The following PBX3 variants were observed in gnomAD, a reference collection of about 807,000 sequenced individuals.
PBX3 encodes PBX homeobox 3.
Under a neutral mutation model 48.5 loss-of-function variants are expected in PBX3, and 14 were observed. The ratio of observed to expected loss-of-function variants is 0.29; its 90% CI spans 0.19 to 0.45. The LOEUF is 0.45. PBX3 is among the 20% of genes least tolerant of loss of function. The pLI is 1.00. For synonymous variants in PBX3, 210 were observed against 200.3 expected, an observed-to-expected ratio of 1.05 and a Z score of -0.41; for missense variants, 386 against 546.7, an observed-to-expected ratio of 0.71 and a Z score of 2.93.
intron 3 of PBX3, among the ~76,000 whole-genome samples, chr9:125,916,676 T>A (rs1488131408): frequency 6.6e-6 from 1 of 152,160 alleles, no homozygotes; most frequent in Non-Finnish European, 1.5e-5. Context: ...ATTTCAGAGA[T>A]GTTAAAATGT....
At position 125,915,680 on chromosome 9, in the gene PBX3, T is replaced by C. The variant is rs748117248; in HGVS notation, c.275-6T>C. 1 of 1,599,644 alleles carries C rather than the reference T, an allele frequency of 6.3e-7. No individual in the cohort carries two copies. Among genetic ancestry groups the C allele is most frequent in the Admixed American group, 1.7e-5 (1 of 58,452 alleles). On this transcript the variant is annotated splice_region_variant and splice_polypyrimidine_tract_variant and intron_variant, in intron 2 of 8. Transcript: ENST00000373489. Reference sequence around the variant, plus strand: ...TCTCTCTGTCTCTCTCTCTCTTTCCTTGAAGGTCTCAGCATCAGAGGAGCC... The same window carrying C: ...TCTCTCTGTCTCTCTCTCTCTTTCCCTGAAGGTCTCAGCATCAGAGGAGCC...
At chr9:125,959,486 G>T (rs971047930) in intron 5 of PBX3, among the ~76,000 whole-genome samples, 1 of 152,242 alleles carries the variant, frequency 6.6e-6, no homozygotes, top group Admixed American at 6.5e-5. Context: ...CCTTGCCAGG[G>T]CTCTCTGCTC....
intron 2 of PBX3, among the ~76,000 whole-genome samples, chr9:125,868,324 T>C (rs1227068440): frequency 6.6e-6 from 1 of 152,228 alleles, no homozygotes; most frequent in Non-Finnish European, 1.5e-5. Flanking sequence ...AGATGTTACA[T>C]TGATTTTATT....
At chr9:125,945,645 G>T (rs1317420395) in intron 5 of PBX3, among the ~76,000 whole-genome samples, 1 of 152,134 alleles carries the variant, frequency 6.6e-6, no homozygotes, top group Admixed American at 6.5e-5. Context: ...AGCACAGTGT[G>T]TCCAGCACAT....
At chr9:125,795,604 AG>A (rs1389303732) in intron 2 of PBX3, among the ~76,000 whole-genome samples, 2 of 152,184 alleles carry the variant, frequency 1.3e-5, no homozygotes, top group African/African-American at 2.4e-5. Flanking sequence ...TTGCATCTAA[AG>A]AAACCCATAA....
At chr9:125,933,914 A>C (rs567277114) in intron 4 of PBX3, among the ~76,000 whole-genome samples, 7 of 152,248 alleles carry the variant, frequency 4.6e-5, no homozygotes, top group African/African-American at 1.7e-4. Flanking sequence ...GTACCTCTTC[A>C]ATGTGCTCTC....
chr9:125,929,576 G>A (rs1341998444), intron 3 of PBX3, 79 bp from the exon 4 acceptor site: 22 of 949,630 alleles, frequency 2.3e-5, no homozygotes, highest in Middle Eastern at 5.0e-4. Context: ...ATGCAAATGA[G>A]GTGTAAATTC....
At chr9:125,886,235 T>C (rs1840498099) in intron 2 of PBX3, among the ~76,000 whole-genome samples, 1 of 152,128 alleles carries the variant, frequency 6.6e-6, no homozygotes, top group South Asian at 2.1e-4. Context: ...AATGTAAATT[T>C]GACTTATTTT....
chr9:125,932,173 G>T (rs1190050823), intron 4 of PBX3, among the ~76,000 whole-genome samples: 1 of 152,126 alleles, frequency 6.6e-6, no homozygotes, highest in East Asian at 1.9e-4. Context: ...ATCTGTGAGG[G>T]TATCTGGAAT....
At chr9:125,956,502 G>A (rs988582221) in intron 5 of PBX3, among the ~76,000 whole-genome samples, 2 of 152,184 alleles carry the variant, frequency 1.3e-5, no homozygotes, top group African/African-American at 4.8e-5. Flanking sequence ...CACGGTTGTA[G>A]TGTATGCGAG....
intron 2 of PBX3, among the ~76,000 whole-genome samples, chr9:125,800,072 T>A (rs921828776): frequency 6.6e-6 from 1 of 152,212 alleles, no homozygotes; most frequent in Non-Finnish European, 1.5e-5. Flanking sequence ...AGATATTTGA[T>A]GTTAAAGCAG....
rs1836225900 is a variant in PBX3, at chr9:125,747,583, C to G, written c.130C>G (p.Gln44Glu). The change falls in exon 1 of 9, where the codon CAG becomes GAG. Residue 44 changes from glutamine (Q) to glutamate (E), a missense_variant. Transcript: ENST00000373489. The stretch of plus-strand genomic sequence containing the variant: ...AGGGGCGGACGGCGACGGCAGGAAG[C>G]AGGACATCGGCGACATCCTCCACCA... Reference protein sequence around the residue: ...HEGADGDGRKQDIGDILHQIM... With the variant: ...HEGADGDGRKEDIGDILHQIM... The G allele has an allele frequency of 3.7e-6, 6 of 1,607,198 alleles. No individual in the cohort carries two copies. Among genetic ancestry groups the G allele is most frequent in the Non-Finnish European group, 5.1e-6 (6 of 1,176,910 alleles).
At chr9:125,788,492 A>G (rs970209653) in intron 2 of PBX3, among the ~76,000 whole-genome samples, 2 of 152,210 alleles carry the variant, frequency 1.3e-5, no homozygotes, top group Admixed American at 6.5e-5. Flanking sequence ...AATACAAAAG[A>G]TTTCAGACAA....
chr9:125,949,941 G>A (rs1044150742), intron 5 of PBX3, among the ~76,000 whole-genome samples: 2 of 152,190 alleles, frequency 1.3e-5, no homozygotes, highest in Non-Finnish European at 2.9e-5. Context: ...TGTAGCTGAT[G>A]GGAGGCATTT....
At chr9:125,797,431 G>T (rs1837817475) in intron 2 of PBX3, 1 of 151,944 alleles carries the variant, frequency 6.6e-6, no homozygotes, top group Non-Finnish European at 1.5e-5. Context: ...ACAACTCATG[G>T]ATTTGGTCTC....
At chr9:125,923,632 C>T (rs141580075) in intron 3 of PBX3, among the ~76,000 whole-genome samples, 150 of 152,258 alleles carry the variant, frequency 9.9e-4, no homozygotes, top group Non-Finnish European at 1.8e-3. Flanking sequence ...GTGGGGCGAA[C>T]ATGGCTCACT....
intron 2 of PBX3, among the ~76,000 whole-genome samples, chr9:125,906,586 A>G (rs563088635): frequency 6.6e-6 from 1 of 152,138 alleles, no homozygotes; most frequent in South Asian, 2.1e-4. Flanking sequence ...CCCATGAGGG[A>G]CATATGAATG....
intron 2 of PBX3, among the ~76,000 whole-genome samples, chr9:125,755,672 G>GTGTTTTTTTTT (rs1836494842): frequency 1.1e-5 from 1 of 95,232 alleles, no homozygotes; most frequent in African/African-American, 4.0e-5. Context: ...GAGGAGCTTT[G>GTGTTTTTTTTT]TTTTTTTTTT....
At chr9:125,880,314 AT>A (rs1185924260) in intron 2 of PBX3, among the ~76,000 whole-genome samples, 6 of 152,212 alleles carry the variant, frequency 3.9e-5, no homozygotes, top group Non-Finnish European at 2.9e-5. Context: ...AAGTGTTGGG[AT>A]TACAGGCGTG....
Sources: allele counts gnomAD v4.1 joint callset (sites outside exome capture counted in the v4.1 genomes callset), GRCh38; gene constraint gnomAD v4.1.1; transcripts MANE v1.5; gene names NCBI Gene and HGNC (gene_info 2026-07-23, HGNC 2026-07-21).